Variants in WDPCP observed in about 807,000 individuals in gnomAD.
The protein encoded by WDPCP is WD repeat-containing and planar cell polarity effector protein fritz homolog.
A neutral mutation model predicts 93.1 loss-of-function variants in WDPCP; 71 were observed. The observed-to-expected ratio is 0.76, with a 90% CI of 0.63 to 0.93. WDPCP has a LOEUF of 0.93. Ranked by LOEUF, WDPCP falls within the 40% of genes least tolerant of loss-of-function variation. The probability of loss-of-function intolerance (pLI) is 0.00; values close to 1 mark genes in which losing one functional copy is unlikely to be tolerated. For synonymous variants in WDPCP, 315 were observed against 315.0 expected (o/e 1.00, Z 0.00); for missense variants, 844 against 887.4 (o/e 0.95, Z 0.62).
intron 2 of WDPCP, among the ~76,000 whole-genome samples, chr2:63,709,436 C>A (rs533794845): frequency 1.3e-5 from 2 of 152,258 alleles, no homozygotes; most frequent in Admixed American, 1.3e-4. Context: ...TAGATTCATG[C>A]ACATTTCATA....
At chr2:63,473,725 T>C (rs576907932) in intron 6 of WDPCP, among the ~76,000 whole-genome samples, 12 of 152,274 alleles carry the variant, frequency 7.9e-5, no homozygotes, top group African/African-American at 2.9e-4. Context: ...TTTTTTCCCA[T>C]TGCTTTACTA....
At chr2:63,561,870 A>G (rs1706654972) in intron 1 of WDPCP, among the ~76,000 whole-genome samples, 1 of 152,178 alleles carries the variant, frequency 6.6e-6, no homozygotes. Context: ...TCAAGAAACA[A>G]CAGATGCTGG....
At chr2:63,150,698 TAAG>T (rs1408047642) in intron 17 of WDPCP, among the ~76,000 whole-genome samples, 1 of 152,164 alleles carries the variant, frequency 6.6e-6, no homozygotes, top group African/African-American at 2.4e-5. Flanking sequence ...ACCAGACAAA[TAAG>T]AAGTACTTGA....
At chr2:63,442,004 G>A (rs1337752131) in intron 6 of WDPCP, 3 of 152,136 alleles carry the variant, frequency 2.0e-5, no homozygotes, top group Admixed American at 2.0e-4. Context: ...TATTATAGAA[G>A]TACATACTGG....
At chr2:63,258,024 T>G (rs1681283928) in intron 14 of WDPCP, among the ~76,000 whole-genome samples, 1 of 152,136 alleles carries the variant, frequency 6.6e-6, no homozygotes, top group Admixed American at 6.6e-5. Context: ...ATGGTATGCT[T>G]TCATCATTTA....
At chr2:63,179,878 T>C (rs1012277981) in intron 14 of WDPCP, among the ~76,000 whole-genome samples, 6 of 152,210 alleles carry the variant, frequency 3.9e-5, no homozygotes, top group Non-Finnish European at 8.8e-5. Flanking sequence ...CTGTGATTGC[T>C]GTCTTTTAAA....
At chr2:63,310,864 A>G (rs1393679245) in intron 13 of WDPCP, among the ~76,000 whole-genome samples, 1 of 152,112 alleles carries the variant, frequency 6.6e-6, no homozygotes. Context: ...GTCTCAATCA[A>G]TGAATGAATC....
chr2:63,159,266 G>A (rs755733415), intron 15 of WDPCP, among the ~76,000 whole-genome samples: 6 of 148,662 alleles, frequency 4.0e-5, no homozygotes, highest in Non-Finnish European at 7.5e-5. Context: ...TTGTTTGTTG[G>A]TTTTTTAAAG....
At chr2:63,128,005 A>G (rs1670037886) in intron 17 of WDPCP, among the ~76,000 whole-genome samples, 1 of 151,950 alleles carries the variant, frequency 6.6e-6, no homozygotes, top group African/African-American at 2.4e-5. Flanking sequence ...CGGGTGTGGT[A>G]GCGTGCTTCT....
chr2:63,230,078 A>C (rs1678702536), intron 14 of WDPCP, among the ~76,000 whole-genome samples: 4 of 142,598 alleles, frequency 2.8e-5, no homozygotes, highest in Non-Finnish European at 4.6e-5. Context: ...AATGCTATCC[A>C]TCCTCCCTCC....
chr2:63,606,923 A>ATCTT, intron 3 of WDPCP: 2 of 1,612,918 alleles, frequency 1.2e-6, no homozygotes, highest in Non-Finnish European at 1.7e-6. Context: ...GAGAAGATGG[A>ATCTT]TCTTACTGCA....
intron 2 of WDPCP, among the ~76,000 whole-genome samples, chr2:63,747,578 A>G (rs191656892): frequency 6.6e-6 from 1 of 152,056 alleles, no homozygotes; most frequent in Admixed American, 6.6e-5. Flanking sequence ...TCCATCATAT[A>G]TCTAGTATCT....
At chr2:63,524,141 C>CT (rs1703148481) in intron 1 of WDPCP, among the ~76,000 whole-genome samples, 1 of 152,128 alleles carries the variant, frequency 6.6e-6, no homozygotes, top group South Asian at 2.1e-4. Flanking sequence ...AAAAATATTC[C>CT]ATGCTTGCAG....
rs901819338 is a variant in WDPCP, at chr2:63,505,101, T to C, written c.76-12161A>G. On this transcript the variant is annotated intron_variant, in intron 1 of 17. Transcript: ENST00000272321. ...CTTAGTCTTTATGACAAGTTCTTAA[T>C]GAAATGTAAACAAGCCCTAAATAGT... Among the ~76,000 whole-genome samples, 8 of 152,170 alleles carry C rather than the reference T, an allele frequency of 5.3e-5. No individual in the cohort carries two copies. In the East Asian group the frequency reaches 1.2e-3, roughly 22 times the overall value.
At chr2:63,148,759 C>T (rs1048446881) in intron 17 of WDPCP, among the ~76,000 whole-genome samples, 2 of 151,750 alleles carry the variant, frequency 1.3e-5, no homozygotes, top group Non-Finnish European at 2.9e-5. Flanking sequence ...AGGTGTAAGA[C>T]AGGGAATTTA....
At chr2:63,623,948 A>G (rs576478340) in intron 3 of WDPCP, among the ~76,000 whole-genome samples, 1 of 152,358 alleles carries the variant, frequency 6.6e-6, no homozygotes, top group African/African-American at 2.4e-5. Context: ...AACACTCCTC[A>G]GCAAATGCAA....
intron 15 of WDPCP, among the ~76,000 whole-genome samples, chr2:63,164,557 T>C (rs957005044): frequency 8.5e-5 from 13 of 152,194 alleles, no homozygotes; most frequent in African/African-American, 3.1e-4. Context: ...ATAAGTTTCC[T>C]GAGGCCTCCC....
At chr2:63,814,350 T>C (rs1670901803) in intron 1 of WDPCP, among the ~76,000 whole-genome samples, 1 of 151,862 alleles carries the variant, frequency 6.6e-6, no homozygotes, top group African/African-American at 2.4e-5. Context: ...TTTCCTGGTT[T>C]GAAAAAAAAA....
intron 14 of WDPCP, among the ~76,000 whole-genome samples, chr2:63,201,183 C>T (rs534971477): frequency 6.6e-6 from 1 of 152,158 alleles, no homozygotes; most frequent in Non-Finnish European, 1.5e-5. Context: ...TCACTCTCTT[C>T]CTCCTGCTCC....
Sources: gnomAD v4.1 joint callset for allele counts (sites outside exome capture counted in the v4.1 genomes callset) on GRCh38, gnomAD v4.1.1 for gene constraint, MANE v1.5 for transcripts, NCBI Gene and HGNC (gene_info 2026-07-23, HGNC 2026-07-21) for gene names.